Variants in PLPPR5 observed in about 807,000 individuals in gnomAD.
PLPPR5 encodes phospholipid phosphatase related 5.
PLPPR5 carries 16 observed loss-of-function variants against 33.9 expected under a neutral mutation model. The ratio of observed to expected loss-of-function variants is 0.47; its 90% CI spans 0.32 to 0.72. PLPPR5 has a LOEUF of 0.72. PLPPR5 is among the 30% of genes least tolerant of loss of function. PLPPR5 has a pLI of 0.03. For missense variants in PLPPR5, 301 were observed against 406.7 expected (o/e 0.74, Z 2.23); for synonymous variants, 163 against 150.3 (o/e 1.08, Z -0.62).
intron 4 of PLPPR5, among the ~76,000 whole-genome samples, chr1:98,920,593 C>CA (rs763477562): frequency 0.041 from 2,847 of 69,048 alleles, 374 homozygotes; most frequent in African/African-American, 0.12. Flanking sequence ...GTGGTATCAC[C>CA]AAAAAAAAAA....
chr1:98,953,355 TTGTGTGTGTGTGTGTGTGTG>T, intron 2 of PLPPR5, 35 bp from the exon 3 acceptor site: 3 of 1,378,016 alleles, frequency 2.2e-6, no homozygotes, highest in Non-Finnish European at 2.9e-6. Context: ...AACTTCTTGC[TTGTGTGTGTGTGTGTGTGTG>T]TGTGTGTGTG....
At chr1:98,896,045 C>T (rs541951926) in intron 5 of PLPPR5, among the ~76,000 whole-genome samples, 77 of 151,538 alleles carry the variant, frequency 5.1e-4, no homozygotes, top group African/African-American at 1.8e-3. Flanking sequence ...GTTTAATTCA[C>T]TTCTGGCACA....
intron 1 of PLPPR5, among the ~76,000 whole-genome samples, chr1:98,960,448 C>T (rs1243665292): frequency 6.6e-6 from 1 of 152,152 alleles, no homozygotes; most frequent in Non-Finnish European, 1.5e-5. Context: ...AGGTGATCCA[C>T]CCGCGTCTGC....
intron 4 of PLPPR5, among the ~76,000 whole-genome samples, chr1:98,916,201 CT>C (rs1649342484): frequency 6.6e-6 from 1 of 152,158 alleles, no homozygotes; most frequent in Non-Finnish European, 1.5e-5. Context: ...AGAACACCTA[CT>C]GAGATTTTAC....
intron 3 of PLPPR5, 57 bp downstream of exon 3, chr1:98,953,013 A>G: frequency 1.3e-6 from 2 of 1,583,846 alleles, no homozygotes; most frequent in Non-Finnish European, 1.7e-6. Flanking sequence ...GAATTTCTAC[A>G]TTGGAAAAAT....
chr1:98,897,177 C>G (rs769870187), intron 5 of PLPPR5, among the ~76,000 whole-genome samples: 5 of 152,210 alleles, frequency 3.3e-5, no homozygotes, highest in Non-Finnish European at 5.9e-5. Flanking sequence ...AAAACCTGCA[C>G]AGAAGGACAC....
chr1:98,968,981 G>A (rs557344509), intron 1 of PLPPR5, among the ~76,000 whole-genome samples: 11 of 152,138 alleles, frequency 7.2e-5, no homozygotes, highest in Non-Finnish European at 1.5e-4. Context: ...AAGCTTTCTC[G>A]TATGAAATTC....
chr1:98,912,681 C>A (rs1649197921), intron 5 of PLPPR5, among the ~76,000 whole-genome samples: 1 of 152,038 alleles, frequency 6.6e-6, no homozygotes, highest in South Asian at 2.1e-4. Context: ...TTAGGGAATT[C>A]AATTACTAAA....
intron 1 of PLPPR5, among the ~76,000 whole-genome samples, chr1:98,961,753 T>C (rs148380959): frequency 1.3e-5 from 2 of 152,306 alleles, no homozygotes; most frequent in African/African-American, 4.8e-5. Context: ...ATTTCTCTTT[T>C]TCCTCTTGAT....
At chr1:98,955,164 C>G (rs773448941) in intron 2 of PLPPR5, among the ~76,000 whole-genome samples, 3 of 152,056 alleles carry the variant, frequency 2.0e-5, no homozygotes, top group Non-Finnish European at 2.9e-5. Context: ...TTACATGCTT[C>G]CACTTATTAC....
Position 98,956,711 on chromosome 1 carries a change from G to A in PLPPR5, c.268C>T (p.Leu90=). The change falls in exon 2 of 6, where the codon CTA becomes TTA. Residue 90 remains leucine (L), a synonymous_variant. Transcript: ENST00000263177. ...IIVGETAVFC[L]QLATRDFENQ... ...TCAAAATCCCTTGTGGCTAGTTGTA[G>A]GCAAAAGACAGCAGTTTCTCCAACT... 6.3e-7 allele frequency: 1 copy of A among 1,579,954 alleles called. No individual in the cohort carries two copies. The highest frequency in any genetic ancestry group is 8.6e-7 in the Non-Finnish European group (1 of 1,167,230).
At chr1:98,960,758 G>A (rs1297247097) in intron 1 of PLPPR5, among the ~76,000 whole-genome samples, 1 of 152,136 alleles carries the variant, frequency 6.6e-6, no homozygotes, top group African/African-American at 2.4e-5. Flanking sequence ...GTCACTGAGA[G>A]AATCTGTGGT....
chr1:99,004,148 CCCACT>C, intron 1 of PLPPR5: 1 of 461,976 alleles, frequency 2.2e-6, no homozygotes, highest in Non-Finnish European at 3.9e-6. Context: ...AACCCGGATC[CCCACT>C]CCTCACCACC....
At chr1:98,913,090 G>A (rs377362070) in intron 5 of PLPPR5, among the ~76,000 whole-genome samples, 4 of 151,318 alleles carry the variant, frequency 2.6e-5, no homozygotes, top group African/African-American at 9.7e-5. Context: ...TCTTTGTTTT[G>A]TCCTAACTGT....
At chr1:98,908,717 G>A (rs1649002736) in intron 5 of PLPPR5, among the ~76,000 whole-genome samples, 1 of 152,154 alleles carries the variant, frequency 6.6e-6, no homozygotes, top group Non-Finnish European at 1.5e-5. Context: ...AGGGCTAATG[G>A]TACCTAAAAT....
chr1:98,955,606 G>A (rs540655536), intron 2 of PLPPR5, among the ~76,000 whole-genome samples: 9 of 151,986 alleles, frequency 5.9e-5, no homozygotes, highest in Admixed American at 3.3e-4. Flanking sequence ...AAGGCCTTTC[G>A]TCTTCAGAGA....
intron 3 of PLPPR5, among the ~76,000 whole-genome samples, chr1:98,930,540 C>T (rs1649925213): frequency 6.6e-6 from 1 of 151,968 alleles, no homozygotes; most frequent in South Asian, 2.1e-4. Context: ...CAGAAAAAGA[C>T]TCATCATACC....
chr1:98,920,001 T>G (rs935470898), intron 4 of PLPPR5, among the ~76,000 whole-genome samples: 1 of 152,136 alleles, frequency 6.6e-6, no homozygotes, highest in Non-Finnish European at 1.5e-5. Context: ...TTTTTAGTTA[T>G]TATATAGTCA....
chr1:98,986,311 A>G (rs1652263010), intron 1 of PLPPR5, among the ~76,000 whole-genome samples: 1 of 151,924 alleles, frequency 6.6e-6, no homozygotes, highest in Non-Finnish European at 1.5e-5. Context: ...GAGGAAACAC[A>G]TAATTTTAAA....
Sources: allele counts gnomAD v4.1 joint callset (sites outside exome capture counted in the v4.1 genomes callset), GRCh38; gene constraint gnomAD v4.1.1; transcripts MANE v1.5; gene names NCBI Gene and HGNC (gene_info 2026-07-23, HGNC 2026-07-21).